Variants in ALG1L2 observed in about 807,000 individuals in gnomAD.
The protein encoded by ALG1L2 is putative glycosyltransferase ALG1L2.
A neutral mutation model predicts 29.0 loss-of-function variants in ALG1L2; 32 were observed. The ratio of observed to expected loss-of-function variants is 1.10; its 90% CI spans 0.83 to 1.48. The LOEUF is 1.48. Ranked by LOEUF, ALG1L2 falls within the 40% of genes most tolerant of loss-of-function variation. ALG1L2 has a pLI of 0.00. For synonymous variants in ALG1L2, 110 were observed against 109.5 expected (o/e 1.00, Z -0.03); for missense variants, 318 against 274.1 (o/e 1.16, Z -1.13).
At chr3:130,089,927 A>G (rs1577327018) in intron 1 of ALG1L2, among the ~76,000 whole-genome samples, 2 of 152,312 alleles carry the variant, frequency 1.3e-5, no homozygotes, top group South Asian at 2.1e-4. Flanking sequence ...CTATAATCCC[A>G]GCTACGCGGG....
chr3:130,085,560 C>T lies in ALG1L2; in HGVS notation c.20+3524C>T, dbSNP rs561911008. On this transcript the variant is annotated intron_variant, in intron 1 of 7. Coordinates refer to ENST00000425059, the MANE Select transcript of ALG1L2 (RefSeq NM_001136152.1). Reference sequence around the variant, plus strand: ...CCAATTTCCCCTTTCCATAAGGACACGCATTATACTGGATAAAGCCCACTC... The same window carrying T: ...CCAATTTCCCCTTTCCATAAGGACATGCATTATACTGGATAAAGCCCACTC... 8.0e-5 allele frequency among the ~76,000 whole-genome samples: 12 copies of T among 150,338 alleles called. 1 individual carries two copies. The East Asian group carries it at 9.7e-4, about 12-fold the overall frequency.
intron 1 of ALG1L2, among the ~76,000 whole-genome samples, chr3:130,090,019 G>T (rs1479389482): frequency 6.6e-6 from 1 of 152,288 alleles, no homozygotes; most frequent in Non-Finnish European, 1.5e-5. Context: ...TCCAGCCTGG[G>T]GGACAAAAGT....
rs145321693 is a variant in ALG1L2 at position 130,098,189 on chromosome 3, G to A, written c.616-34G>A. The A allele has an allele frequency of 3.8e-6, 6 of 1,596,204 alleles. No individual in the cohort carries two copies. The African/African-American group carries it at 8.0e-5, about 21-fold the overall frequency. ...TCCAGGTGGTGACCTGGGATGGGGT[G>A]GGGACAGGCAATGAGGTAAGCTCTG... On this transcript the variant is annotated intron_variant, in intron 7 of 7. Coordinates refer to ENST00000425059, the MANE Select transcript of ALG1L2 (RefSeq NM_001136152.1).
At chr3:130,089,079 C>T (rs1195268007) in intron 1 of ALG1L2, among the ~76,000 whole-genome samples, 1 of 85,600 alleles carries the variant, frequency 1.2e-5, no homozygotes, top group Non-Finnish European at 2.9e-5. Flanking sequence ...GTGTGGGTGA[C>T]TCCTTGCACC....
intron 2 of ALG1L2, 113 bp downstream of exon 2, chr3:130,091,484 A>G (rs1343076721): frequency 1.8e-6 from 2 of 1,119,106 alleles, no homozygotes; most frequent in Admixed American, 4.0e-5. Flanking sequence ...AACTAAGGCT[A>G]CAGGCCAGTC....
chr3:130,096,347 C>T (rs1935133791), intron 6 of ALG1L2, among the ~76,000 whole-genome samples, 184 bp downstream of exon 6: 2 of 152,048 alleles, frequency 1.3e-5, no homozygotes, highest in Non-Finnish European at 2.9e-5. Context: ...GAAGTAGTTG[C>T]TTCCATTTAG....
chr3:130,092,260 A>C, intron 3 of ALG1L2, 38 bp downstream of exon 3: 1 of 1,597,404 alleles, frequency 6.3e-7, no homozygotes, highest in Non-Finnish European at 8.5e-7. Context: ...GTTGGTGTGA[A>C]GGGCACCTGG....
At chr3:130,085,864 G>A (rs1293179331) in intron 1 of ALG1L2, among the ~76,000 whole-genome samples, 1 of 150,578 alleles carries the variant, frequency 6.6e-6, no homozygotes, top group African/African-American at 2.4e-5. Context: ...AAAACGCAAT[G>A]TTTCTCCCGC....
intron 6 of ALG1L2, among the ~76,000 whole-genome samples, chr3:130,096,885 GA>G (rs1237449768): frequency 4.6e-5 from 7 of 152,172 alleles, no homozygotes; most frequent in Non-Finnish European, 1.0e-4. Context: ...ATGGAATTAA[GA>G]AAAACATGCA....
intron 1 of ALG1L2, among the ~76,000 whole-genome samples, chr3:130,084,708 G>A (rs370098511): frequency 1.4e-4 from 17 of 123,742 alleles, no homozygotes; most frequent in East Asian, 4.4e-4. Context: ...GCAGGCCAGA[G>A]GGCTGAGATG....
intron 6 of ALG1L2, among the ~76,000 whole-genome samples, chr3:130,096,441 A>G (rs1661821061): frequency 1.2e-5 from 1 of 81,698 alleles, no homozygotes; most frequent in African/African-American, 3.9e-5. Context: ...CCAACCCAGT[A>G]TGAAAAAAAA....
intron 1 of ALG1L2, among the ~76,000 whole-genome samples, chr3:130,084,869 A>ATATATT (rs1553719079): frequency 8.3e-6 from 1 of 120,678 alleles, no homozygotes; most frequent in Non-Finnish European, 1.9e-5. Flanking sequence ...TCCCCTTTCC[A>ATATATT]TATATCTATG....
chr3:130,082,044 G>T lies in ALG1L2; in HGVS notation c.20+8G>T. On this transcript the variant is annotated splice_region_variant and intron_variant, in intron 1 of 7. Transcript: ENST00000425059. ...GGGAGCTACTGCAGGCTGGTAAGCA[G>T]GGGGGTGGTGCTGGTTGGATTGCAA... 1 of 1,501,296 alleles carries T rather than the reference G, an allele frequency of 6.7e-7. No individual in the cohort carries two copies. The highest frequency in any genetic ancestry group is 9.1e-7 in the Non-Finnish European group (1 of 1,104,740). The allele number at this position is 1,501,296 out of a possible 1,614,324, so 93.0% of individuals were successfully genotyped here. A position where few individuals can be genotyped will look rare whatever the true frequency, so the allele number is the denominator to read the frequency against.
Position 130,082,023 on chromosome 3 carries a change from G to A in ALG1L2, c.7G>A (p.Ala3Thr), listed in dbSNP as rs557342759. 1 of 1,508,712 alleles carries A rather than the reference G, an allele frequency of 6.6e-7. No individual in the cohort carries two copies. The allele number at this position is 1,508,712 out of a possible 1,614,324, so 93.5% of individuals were successfully genotyped here. A position where few individuals can be genotyped will look rare whatever the true frequency, so the allele number is the denominator to read the frequency against. The change falls in exon 1 of 8, where the codon GCT becomes ACT. Residue 3 changes from alanine (A) to threonine (T), a missense_variant. Coordinates refer to ENST00000425059, the MANE Select transcript of ALG1L2 (RefSeq NM_001136152.1). MG[A>T]TAGWAVTVYD... is the part of the protein sequence containing the mutation. ...AATTTTAACCTGAAGGGACATGGGA[G>A]CTACTGCAGGCTGGTAAGCAGGGGG...
intron 1 of ALG1L2, among the ~76,000 whole-genome samples, chr3:130,088,859 C>T (rs1434635573): frequency 6.6e-6 from 1 of 152,298 alleles, no homozygotes; most frequent in African/African-American, 2.4e-5. Flanking sequence ...GTCCATTAAA[C>T]CTCTTTTTCT....
In ALG1L2 at chr3:130,082,852, C is replaced by T. The variant is rs571977681; in HGVS notation, c.20+816C>T. Among the ~76,000 whole-genome samples the T allele has an allele frequency of 1.3e-3, 194 of 145,660 alleles. 1 individual carries two copies. The highest frequency in any genetic ancestry group is 3.9e-3 in the African/African-American group (160 of 41,026). ...TAAGGGAAGCCTACTATGTCCACAA[C>T]GGAGTCTGCAAGAGATGCTGACAGC... On this transcript the variant is annotated intron_variant, in intron 1 of 7. Coordinates refer to ENST00000425059, the MANE Select transcript of ALG1L2 (RefSeq NM_001136152.1).
intron 1 of ALG1L2, among the ~76,000 whole-genome samples, chr3:130,083,995 G>A (rs1934839259): frequency 6.6e-6 from 1 of 151,604 alleles, no homozygotes; most frequent in Admixed American, 6.6e-5. Context: ...CAGCATTGAA[G>A]GACCGGCTTT....
intron 4 of ALG1L2, 27 bp from the exon 5 acceptor site, chr3:130,094,376 T>C: frequency 1.9e-6 from 3 of 1,587,388 alleles, no homozygotes; most frequent in Non-Finnish European, 2.6e-6. Flanking sequence ...GACGGGTTCA[T>C]GGCAGTGTCT....
At chr3:130,090,345 A>T (rs1934990161) in intron 1 of ALG1L2, among the ~76,000 whole-genome samples, 1 of 152,308 alleles carries the variant, frequency 6.6e-6, no homozygotes, top group African/African-American at 2.4e-5. Context: ...ACAGAGGGAG[A>T]CCCTGTCTCA....
Sources: allele counts gnomAD v4.1 joint callset (sites outside exome capture counted in the v4.1 genomes callset), GRCh38; gene constraint gnomAD v4.1.1; transcripts MANE v1.5; gene names NCBI Gene and HGNC (gene_info 2026-07-23, HGNC 2026-07-21).